Variants in TMEM108 observed in about 807,000 individuals in gnomAD.
TMEM108 encodes transmembrane protein 108, also known as cancer/testis antigen 124.
In TMEM108, 12 loss-of-function variants were observed where a neutral mutation model predicts 35.1. That is an observed-to-expected ratio of 0.34 (90% CI 0.22 to 0.55). TMEM108 has a LOEUF of 0.55. TMEM108 is among the 20% of genes least tolerant of loss of function. The pLI, the probability that TMEM108 is intolerant of heterozygous loss-of-function variation, is 0.89. For synonymous variants in TMEM108, 287 were observed against 308.6 expected, an observed-to-expected ratio of 0.93 and a Z score of 0.73; for missense variants, 680 against 753.3, an observed-to-expected ratio of 0.90 and a Z score of 1.14.
chr3:133,237,397 T>C (rs1232993752), intron 3 of TMEM108, among the ~76,000 whole-genome samples: 3 of 144,016 alleles, frequency 2.1e-5, no homozygotes, highest in Non-Finnish European at 3.2e-5. Context: ...AACAGCTTTC[T>C]ATGTTCTTTC....
rs16840246 is a variant in TMEM108, at chr3:133,353,806, C to G, written c.41-25946C>G. 7.2e-3 allele frequency among the ~76,000 whole-genome samples: 1,101 copies of G among 152,302 alleles called. 15 individuals carry two copies. Among genetic ancestry groups the G allele is most frequent in the African/African-American group, 0.025 (1,019 of 41,566 alleles). On this transcript the variant is annotated intron_variant, in intron 3 of 5. Transcript: ENST00000321871. The stretch of plus-strand genomic sequence containing the variant: ...TTCCCCAATCTTTGTTCAGGCTCTC[C>G]CTTTCAGAAAACGAACAGTGTGTCT...
intron 4 of TMEM108, chr3:133,388,359 C>A: frequency 1.0e-6 from 1 of 970,164 alleles, no homozygotes; most frequent in Non-Finnish European, 1.2e-6. Context: ...GCGGCCAGCA[C>A]TTTAGGCCAC....
chr3:133,352,470 A>G (rs183690041), intron 3 of TMEM108, among the ~76,000 whole-genome samples: 93 of 152,292 alleles, frequency 6.1e-4, no homozygotes, highest in African/African-American at 2.2e-3. Flanking sequence ...ATAAGTTAAG[A>G]GCTCAGCCCC....
chr3:133,356,630 G>C (rs1472199859), intron 3 of TMEM108, among the ~76,000 whole-genome samples: 1 of 152,144 alleles, frequency 6.6e-6, no homozygotes, highest in Non-Finnish European at 1.5e-5. Context: ...CAGGCACTTA[G>C]ACCAATGGGA....
chr3:133,181,024 A>AAAAAAAAAAAAC (rs1945333145), intron 2 of TMEM108, among the ~76,000 whole-genome samples: 1 of 142,034 alleles, frequency 7.0e-6, no homozygotes, highest in Non-Finnish European at 1.5e-5. Context: ...AAAAAAAAAA[A>AAAAAAAAAAAAC]AAAAAAAAAA....
At chr3:133,325,249 A>G (rs2071315389) in intron 3 of TMEM108, among the ~76,000 whole-genome samples, 1 of 152,198 alleles carries the variant, frequency 6.6e-6, no homozygotes, top group South Asian at 2.1e-4. Context: ...AGTAGACATC[A>G]TATGTTTTCA....
chr3:133,299,212 C>T (rs1947185523), intron 3 of TMEM108, among the ~76,000 whole-genome samples: 2 of 152,118 alleles, frequency 1.3e-5, no homozygotes, highest in African/African-American at 2.4e-5. Context: ...GACTTGGCAG[C>T]CGTAAAGCCA....
At chr3:133,294,771 A>T (rs1355445421) in intron 3 of TMEM108, among the ~76,000 whole-genome samples, 1 of 152,226 alleles carries the variant, frequency 6.6e-6, no homozygotes, top group Non-Finnish European at 1.5e-5. Context: ...CCCTTTAATA[A>T]TGTTGGCTGA....
chr3:133,266,285 T>C (rs1416943355), intron 3 of TMEM108, among the ~76,000 whole-genome samples: 1 of 152,194 alleles, frequency 6.6e-6, no homozygotes, highest in East Asian at 1.9e-4. Flanking sequence ...ATCAAATTCA[T>C]GAATATCAAT....
In TMEM108 at chr3:133,276,032, G is replaced by A. The variant is rs1946834152; in HGVS notation, c.40+46681G>A. The stretch of plus-strand genomic sequence containing the variant: ...ATCATCTCCCTTGTTTTGACTCTTA[G>A]TAGTGGTAATTGTCTCCAGCAAGCT... On this transcript the variant is annotated intron_variant, in intron 3 of 5. Transcript: ENST00000321871. 2.0e-5 allele frequency among the ~76,000 whole-genome samples: 3 copies of A among 152,192 alleles called. No individual in the cohort carries two copies. In the South Asian group the frequency reaches 6.2e-4, roughly 31 times the overall value.
In TMEM108 at chr3:133,047,598, C is replaced by T. The variant is rs141454898; in HGVS notation, c.-47+1578C>T. On this transcript the variant is annotated intron_variant, in intron 2 of 5. Coordinates refer to ENST00000321871, the MANE Select transcript of TMEM108 (RefSeq NM_023943.4). ...CAGCAGTGTCTTTGACCTCCACCCA[C>T]GAAATGCCAGTATCTCCCTCCCTGT... Among the ~76,000 whole-genome samples, 384 of 152,260 alleles carry T rather than the reference C, an allele frequency of 2.5e-3. 1 individual carries two copies. The highest frequency in any genetic ancestry group is 8.4e-3 in the African/African-American group (347 of 41,546).
chr3:133,322,564 G>A (rs562205167), intron 3 of TMEM108, among the ~76,000 whole-genome samples: 65 of 151,998 alleles, frequency 4.3e-4, no homozygotes, highest in Non-Finnish European at 8.1e-4. Context: ...AGGACCAGAC[G>A]GATTCACAGC....
intron 4 of TMEM108, chr3:133,389,494 A>G (rs752583189): frequency 7.6e-6 from 5 of 658,230 alleles, no homozygotes; most frequent in Non-Finnish European, 7.5e-6. Context: ...GACCAGCCTA[A>G]CCAACATGGC....
At chr3:133,285,645 C>T (rs887265333) in intron 3 of TMEM108, among the ~76,000 whole-genome samples, 1 of 152,142 alleles carries the variant, frequency 6.6e-6, no homozygotes, top group Non-Finnish European at 1.5e-5. Flanking sequence ...TTTTACTCTA[C>T]TTTTTCAAGC....
At chr3:133,394,819 C>T (rs573861719) in intron 5 of TMEM108, among the ~76,000 whole-genome samples, 1 of 134,014 alleles carries the variant, frequency 7.5e-6, no homozygotes, top group African/African-American at 2.5e-5. Flanking sequence ...ATTCATACAG[C>T]AGTAAGTACT....
At chr3:133,296,687 T>C (rs545929119) in intron 3 of TMEM108, among the ~76,000 whole-genome samples, 1 of 151,650 alleles carries the variant, frequency 6.6e-6, no homozygotes, top group African/African-American at 2.4e-5. Context: ...TGTCAGTGAG[T>C]GGTAGAGTAG....
chr3:133,170,567 A>G lies in TMEM108; in HGVS notation c.-46-58699A>G, dbSNP rs73007502. On this transcript the variant is annotated intron_variant, in intron 2 of 5. Transcript: ENST00000321871. Reference sequence around the variant, plus strand: ...CCAATATTTAGAAACACATTAACACACTCTAAGACATCATCCAAAAAAAAG... The same window carrying G: ...CCAATATTTAGAAACACATTAACACGCTCTAAGACATCATCCAAAAAAAAG... 5.7e-3 allele frequency among the ~76,000 whole-genome samples: 873 copies of G among 152,210 alleles called. 14 individuals are homozygous for G. Among genetic ancestry groups the G allele is most frequent in the African/African-American group, 0.02 (840 of 41,544 alleles).
intron 2 of TMEM108, among the ~76,000 whole-genome samples, chr3:133,186,446 C>A (rs7621103): frequency 6.6e-6 from 1 of 152,116 alleles, no homozygotes; most frequent in African/African-American, 2.4e-5. Flanking sequence ...TACAAAGCTG[C>A]GTAATGTAAA....
intron 3 of TMEM108, among the ~76,000 whole-genome samples, chr3:133,307,804 C>T (rs954517933): frequency 6.6e-6 from 1 of 150,934 alleles, no homozygotes; most frequent in Non-Finnish European, 1.5e-5. Flanking sequence ...GTCAGGTAGC[C>T]TCCAGCTTTG....
Sources: gnomAD v4.1 joint callset for allele counts (sites outside exome capture counted in the v4.1 genomes callset) on GRCh38, gnomAD v4.1.1 for gene constraint, MANE v1.5 for transcripts, NCBI Gene and HGNC (gene_info 2026-07-23, HGNC 2026-07-21) for gene names.